The following PCDH9 variants were observed in gnomAD, a reference collection of about 807,000 sequenced individuals.
PCDH9 encodes protocadherin-9.
In PCDH9, 24 loss-of-function variants were observed where a neutral mutation model predicts 70.6. The observed-to-expected ratio is 0.34, with a 90% CI of 0.25 to 0.48. The LOEUF (loss-of-function observed/expected upper bound fraction) is 0.48, where lower values mean the gene tolerates loss of function less well. Ranked by LOEUF, PCDH9 falls within the 20% of genes least tolerant of loss-of-function variation. The pLI is 0.99. For synonymous variants in PCDH9, 562 were observed against 558.5 expected (o/e 1.01, Z -0.09); for missense variants, 1,281 against 1,503.6 (o/e 0.85, Z 2.45).
intron 3 of PCDH9, among the ~76,000 whole-genome samples, chr13:66,690,142 C>T (rs2078461634): frequency 6.6e-6 from 1 of 152,138 alleles, no homozygotes; most frequent in Admixed American, 6.5e-5. Flanking sequence ...GTATTATTCT[C>T]TTCTAAATAA....
At chr13:66,810,985 A>T (rs2080494596) in intron 3 of PCDH9, among the ~76,000 whole-genome samples, 1 of 152,080 alleles carries the variant, frequency 6.6e-6, no homozygotes, top group Admixed American at 6.6e-5. Flanking sequence ...AATTGTCTTA[A>T]CACTGATAAT....
At chr13:66,529,176 A>G (rs1048022691) in intron 4 of PCDH9, among the ~76,000 whole-genome samples, 1 of 152,110 alleles carries the variant, frequency 6.6e-6, no homozygotes, top group Non-Finnish European at 1.5e-5. Flanking sequence ...GGCCTCTGGG[A>G]AATATAGGAC....
intron 4 of PCDH9, among the ~76,000 whole-genome samples, chr13:66,490,749 GA>G (rs200413029): frequency 1.2e-4 from 18 of 150,938 alleles, no homozygotes; most frequent in South Asian, 1.0e-3. Context: ...ATAAAATTCA[GA>G]AAAAAAAATT....
At position 67,229,928 on chromosome 13, in the gene PCDH9, C is replaced by T. The variant is rs963769974; in HGVS notation, c.-284G>A. ...TTCCTCCTTGTAAAATGTGTTGCTT[C>T]GGGCTGGCAAATTAGCAACTCCAGA... On this transcript the variant is annotated 5_prime_UTR_variant, in exon 1 of 5. Transcript: ENST00000377865. 2.6e-5 allele frequency: 4 copies of T among 152,172 alleles called. No homozygotes were observed. The highest frequency in any genetic ancestry group is 4.4e-5 in the Non-Finnish European group (3 of 68,058). The allele number at this position is 152,172 out of a possible 1,614,324, so 9.4% of individuals were successfully genotyped here. A position where few individuals can be genotyped will look rare whatever the true frequency, so the allele number is the denominator to read the frequency against.
intron 4 of PCDH9, among the ~76,000 whole-genome samples, chr13:66,480,493 T>A (rs1300270243): frequency 6.6e-6 from 1 of 152,206 alleles, no homozygotes; most frequent in Non-Finnish European, 1.5e-5. Flanking sequence ...CAAAGTGCTA[T>A]CAAACAGCAT....
intron 4 of PCDH9, among the ~76,000 whole-genome samples, chr13:66,493,725 G>A (rs1959070573): frequency 6.6e-6 from 1 of 152,064 alleles, no homozygotes; most frequent in Non-Finnish European, 1.5e-5. Flanking sequence ...CTTACACTGT[G>A]TTAGGCACTG....
chr13:67,137,705 T>C (rs952464784), intron 2 of PCDH9, among the ~76,000 whole-genome samples: 3 of 152,148 alleles, frequency 2.0e-5, no homozygotes, highest in African/African-American at 7.2e-5. Context: ...TAATGTCCTA[T>C]TTATATACAG....
chr13:66,363,991 C>T (rs181684939), intron 4 of PCDH9, among the ~76,000 whole-genome samples: 198 of 152,124 alleles, frequency 1.3e-3, no homozygotes, highest in African/African-American at 4.6e-3. Flanking sequence ...CCCGTCTCTA[C>T]TAAAAATACA....
At chr13:66,748,293 T>C (rs971691947) in intron 3 of PCDH9, among the ~76,000 whole-genome samples, 1 of 152,242 alleles carries the variant, frequency 6.6e-6, no homozygotes, top group Non-Finnish European at 1.5e-5. Flanking sequence ...GAGATAACTT[T>C]AATGAGATAA....
intron 2 of PCDH9, among the ~76,000 whole-genome samples, chr13:67,043,004 T>C (rs910162588): frequency 5.3e-5 from 8 of 152,062 alleles, no homozygotes; most frequent in Non-Finnish European, 8.8e-5. Flanking sequence ...AGTTCACAAG[T>C]TGTGAGAAAA....
At position 67,228,426 on chromosome 13, in the gene PCDH9, A is replaced by T. The variant is rs74852547; in HGVS notation, c.15T>A (p.Asp5Glu). Residue 5 changes from aspartate (D) to glutamate (E), a missense_variant, in exon 2 of 5, where the codon GAT becomes GAA. Physicochemically the swap from Asp to Glu is conservative, Grantham distance 45. Coordinates refer to ENST00000377865, the MANE Select transcript of PCDH9 (RefSeq NM_203487.3). MDLR[D>E]FYLLAALIAC... ...CAATCAGAGCAGCCAACAGGTAAAA[A>T]TCCCTCAGGTCCATGATAATGTATT... 4.5e-4 allele frequency: 717 copies of T among 1,584,118 alleles called. 4 individuals are homozygous for T. In the African/African-American group the frequency reaches 9.0e-3, roughly 20 times the overall value.
chr13:66,566,204 A>C (rs1593691040), intron 4 of PCDH9, among the ~76,000 whole-genome samples: 1 of 152,196 alleles, frequency 6.6e-6, no homozygotes. Flanking sequence ...CCTTCACTCT[A>C]GAATATTGGA....
At chr13:67,129,076 G>A (rs1305761528) in intron 2 of PCDH9, among the ~76,000 whole-genome samples, 1 of 152,032 alleles carries the variant, frequency 6.6e-6, no homozygotes. Flanking sequence ...AATCCTCTGA[G>A]AACAATTTGT....
intron 2 of PCDH9, among the ~76,000 whole-genome samples, chr13:67,057,852 T>C (rs2085453670): frequency 6.6e-6 from 1 of 152,184 alleles, no homozygotes; most frequent in Non-Finnish European, 1.5e-5. Flanking sequence ...CAGTAAAATG[T>C]GGTGTTCTTC....
intron 4 of PCDH9, among the ~76,000 whole-genome samples, chr13:66,501,115 C>T (rs554000031): frequency 1.9e-4 from 29 of 152,000 alleles, no homozygotes; most frequent in African/African-American, 6.0e-4. Flanking sequence ...TCTCAAAAGG[C>T]GGGCCAAACT....
At chr13:66,392,523 T>C (rs961890634) in intron 4 of PCDH9, among the ~76,000 whole-genome samples, 27 of 152,264 alleles carry the variant, frequency 1.8e-4, no homozygotes, top group African/African-American at 6.5e-4. Context: ...AAGCTGCTCC[T>C]CAATTTGTTT....
chr13:66,739,195 T>A (rs923188562), intron 3 of PCDH9, among the ~76,000 whole-genome samples: 1 of 138,688 alleles, frequency 7.2e-6, no homozygotes, highest in African/African-American at 2.6e-5. Context: ...TTCAACATTC[T>A]TAAAGAAAAG....
At chr13:67,224,768 C>T (rs925902917) in intron 2 of PCDH9, 15 of 838,454 alleles carry the variant, frequency 1.8e-5, no homozygotes, top group East Asian at 1.3e-4. Context: ...TTGGCCACTG[C>T]GGACACTAAA....
At chr13:67,198,674 G>C (rs953886166) in intron 2 of PCDH9, among the ~76,000 whole-genome samples, 1 of 151,796 alleles carries the variant, frequency 6.6e-6, no homozygotes, top group Admixed American at 6.6e-5. Flanking sequence ...CTTTTTGGGG[G>C]ACAGTCATAG....
Sources: allele counts gnomAD v4.1 joint callset (sites outside exome capture counted in the v4.1 genomes callset), GRCh38; gene constraint gnomAD v4.1.1; transcripts MANE v1.5; gene names NCBI Gene and HGNC (gene_info 2026-07-23, HGNC 2026-07-21).